KCNIP4: variants seen among roughly 807,000 people sequenced by gnomAD.
KCNIP4 encodes the protein Kv channel-interacting protein 4.
In KCNIP4, 12 loss-of-function variants were observed where a neutral mutation model predicts 34.0. The observed-to-expected ratio is 0.35, with a 90% CI of 0.23 to 0.57. KCNIP4 has a LOEUF of 0.57. Among genes scored for constraint, KCNIP4 ranks in the 20% least tolerant of loss-of-function variants. The pLI, the probability that KCNIP4 is intolerant of heterozygous loss-of-function variation, is 0.83. For synonymous variants in KCNIP4, 124 were observed against 102.2 expected (o/e 1.21, Z -1.29); for missense variants, 238 against 311.7 (o/e 0.76, Z 1.78).
intron 1 of KCNIP4, among the ~76,000 whole-genome samples, chr4:21,482,522 C>T (rs1417194406): frequency 6.6e-6 from 1 of 152,152 alleles, no homozygotes; most frequent in Non-Finnish European, 1.5e-5. Flanking sequence ...GACAAACTCT[C>T]TCAGCATTTG....
At chr4:20,976,248 C>T (rs1327337799) in intron 1 of KCNIP4, among the ~76,000 whole-genome samples, 2 of 152,156 alleles carry the variant, frequency 1.3e-5, no homozygotes, top group African/African-American at 2.4e-5. Context: ...CCCAGATTTA[C>T]TGAATTGGAA....
intron 1 of KCNIP4, among the ~76,000 whole-genome samples, chr4:21,816,595 T>C (rs1383761783): frequency 6.6e-6 from 1 of 152,104 alleles, no homozygotes; most frequent in Admixed American, 6.6e-5. Flanking sequence ...AGCACCACCT[T>C]TGTTCTCCCA....
intron 1 of KCNIP4, among the ~76,000 whole-genome samples, chr4:21,665,740 A>C (rs1748819970): frequency 6.6e-6 from 1 of 152,166 alleles, no homozygotes; most frequent in South Asian, 2.1e-4. Flanking sequence ...AGGGCGTATC[A>C]GGCATTTGGC....
intron 3 of KCNIP4, among the ~76,000 whole-genome samples, chr4:20,785,328 CTTTT>C (rs60704201): frequency 1.5e-5 from 2 of 136,360 alleles, no homozygotes; most frequent in Non-Finnish European, 3.1e-5. Flanking sequence ...ATTTTTTTTT[CTTTT>C]TTTTTTTTTT....
intron 1 of KCNIP4, among the ~76,000 whole-genome samples, chr4:21,729,080 C>T (rs1189131207): frequency 1.3e-5 from 2 of 152,150 alleles, no homozygotes; most frequent in Admixed American, 6.6e-5. Context: ...AGAACCTAAA[C>T]TCCATGATGC....
chr4:21,128,289 T>C (rs1750781075), intron 1 of KCNIP4, among the ~76,000 whole-genome samples: 2 of 152,194 alleles, frequency 1.3e-5, no homozygotes, highest in Non-Finnish European at 2.9e-5. Context: ...TCCCATGGCA[T>C]TCAAGACTGT....
intron 1 of KCNIP4, among the ~76,000 whole-genome samples, chr4:21,870,505 T>C (rs1725725071): frequency 1.3e-5 from 2 of 152,224 alleles, no homozygotes; most frequent in Non-Finnish European, 2.9e-5. Context: ...TGTTAGAACA[T>C]GTAGATGCTA....
chr4:21,241,054 C>T (rs369594177), intron 1 of KCNIP4, among the ~76,000 whole-genome samples: 2 of 152,002 alleles, frequency 1.3e-5, no homozygotes, highest in Non-Finnish European at 2.9e-5. Context: ...TGCTTATATA[C>T]TGGCATACTA....
chr4:21,418,063 T>A (rs1725126273), intron 1 of KCNIP4, among the ~76,000 whole-genome samples: 1 of 152,150 alleles, frequency 6.6e-6, no homozygotes. Flanking sequence ...AAGCAGAATG[T>A]GTGTGTCCAG....
At chr4:21,090,913 T>C (rs1746940853) in intron 1 of KCNIP4, among the ~76,000 whole-genome samples, 2 of 152,198 alleles carry the variant, frequency 1.3e-5, no homozygotes, top group Admixed American at 6.6e-5. Flanking sequence ...AGAACAATCT[T>C]AATAGAATCA....
At chr4:20,998,580 G>C (rs1230090654) in intron 1 of KCNIP4, among the ~76,000 whole-genome samples, 1 of 152,222 alleles carries the variant, frequency 6.6e-6, no homozygotes, top group Non-Finnish European at 1.5e-5. Flanking sequence ...AAGTAGATCT[G>C]AGGTCCATTG....
intron 1 of KCNIP4, among the ~76,000 whole-genome samples, chr4:21,288,411 C>CA (rs1331592235): frequency 1.3e-5 from 2 of 151,306 alleles, no homozygotes; most frequent in Admixed American, 6.6e-5. Context: ...TATTACAGAA[C>CA]AAAAAAAGAG....
At chr4:21,498,267 T>A (rs1733014170) in intron 1 of KCNIP4, among the ~76,000 whole-genome samples, 1 of 152,170 alleles carries the variant, frequency 6.6e-6, no homozygotes, top group South Asian at 2.1e-4. Context: ...AGAAACTTTT[T>A]TCTTTTGGTT....
At position 21,911,332 on chromosome 4, in the gene KCNIP4, C is replaced by T. The variant is rs546815617; in HGVS notation, c.61+37239G>A. Among the ~76,000 whole-genome samples, 11 of 152,074 alleles carry T rather than the reference C, an allele frequency of 7.2e-5. 1 individual carries two copies. In the South Asian group the frequency reaches 1.9e-3, roughly 26 times the overall value. Reference sequence around the variant, plus strand: ...ATGTGGCAGCTATTTACATATTCTACAAAAATGTTTTAATGGATTTACAAA... The same window carrying T: ...ATGTGGCAGCTATTTACATATTCTATAAAAATGTTTTAATGGATTTACAAA... On this transcript the variant is annotated intron_variant, in intron 1 of 8. Coordinates refer to ENST00000382152, the MANE Select transcript of KCNIP4 (RefSeq NM_025221.6).
At chr4:21,574,465 T>C in intron 1 of KCNIP4, among the ~76,000 whole-genome samples, 1 of 152,116 alleles carries the variant, frequency 6.6e-6, no homozygotes, top group South Asian at 2.1e-4. Context: ...CCAAGCTATT[T>C]GAATAGAAAA....
At chr4:21,080,460 A>G (rs192793595) in intron 1 of KCNIP4, among the ~76,000 whole-genome samples, 1 of 151,944 alleles carries the variant, frequency 6.6e-6, no homozygotes, top group African/African-American at 2.4e-5. Flanking sequence ...CCTTAAATTT[A>G]TAGAGTACTT....
chr4:20,887,718 C>T (rs981455599), intron 1 of KCNIP4, among the ~76,000 whole-genome samples: 6 of 152,084 alleles, frequency 3.9e-5, no homozygotes, highest in Non-Finnish European at 7.4e-5. Flanking sequence ...AGCTAAAAGC[C>T]TTGCATTCCA....
At chr4:21,039,580 G>C (rs917004881) in intron 1 of KCNIP4, among the ~76,000 whole-genome samples, 1 of 148,718 alleles carries the variant, frequency 6.7e-6, no homozygotes, top group African/African-American at 2.4e-5. Flanking sequence ...AATCTAATGA[G>C]AGAGACAAAC....
chr4:21,875,914 G>T (rs184736139), intron 1 of KCNIP4, among the ~76,000 whole-genome samples: 1,662 of 152,158 alleles, frequency 0.011, 28 homozygotes, highest in African/African-American at 0.038. Flanking sequence ...TGACTTAGAG[G>T]CATTTCAGGA....
Sources: allele counts gnomAD v4.1 joint callset (sites outside exome capture counted in the v4.1 genomes callset), GRCh38; gene constraint gnomAD v4.1.1; transcripts MANE v1.5; gene names NCBI Gene and HGNC (gene_info 2026-07-23, HGNC 2026-07-21).